Variants in ABLIM1 observed in about 807,000 individuals in gnomAD.
ABLIM1 encodes the protein actin-binding LIM protein 1.
ABLIM1 carries 40 observed loss-of-function variants against 107.0 expected under a neutral mutation model. The ratio of observed to expected loss-of-function variants is 0.37; its 90% CI spans 0.29 to 0.49. ABLIM1 has a LOEUF of 0.49. ABLIM1 is among the 20% of genes least tolerant of loss of function. The probability of loss-of-function intolerance (pLI) is 0.97; values close to 1 mark genes in which losing one functional copy is unlikely to be tolerated. For synonymous variants in ABLIM1, 357 were observed against 357.3 expected, an observed-to-expected ratio of 1.00 and a Z score of 0.01; for missense variants, 857 against 1,008.5, an observed-to-expected ratio of 0.85 and a Z score of 2.04.
chr10:114,547,132 A>T (rs73359051), intron 5 of ABLIM1, among the ~76,000 whole-genome samples: 2,357 of 140,348 alleles, frequency 0.017, 79 homozygotes, highest in African/African-American at 0.062. Context: ...ACGGTGGAAA[A>T]TTTCCCCTCA....
chr10:114,704,302 C>CTATATATATATATATATATATA (rs369952218), intron 1 of ABLIM1, among the ~76,000 whole-genome samples: 4 of 43,090 alleles, frequency 9.3e-5, no homozygotes, highest in Non-Finnish European at 1.4e-4. Context: ...CTCTCTCTCT[C>CTATATATATATATATATATATA]TATATATATA....
At chr10:114,548,237 T>C (rs1439923222) in intron 4 of ABLIM1, among the ~76,000 whole-genome samples, 1 of 152,214 alleles carries the variant, frequency 6.6e-6, no homozygotes, top group Non-Finnish European at 1.5e-5. Flanking sequence ...AATCTCATTT[T>C]TGTAAATGGG....
chr10:114,712,623 G>A (rs1224658450), intron 1 of ABLIM1, among the ~76,000 whole-genome samples: 1 of 152,042 alleles, frequency 6.6e-6, no homozygotes, highest in Non-Finnish European at 1.5e-5. Flanking sequence ...TTTCCTCTTC[G>A]TTGTCACCAT....
Position 114,487,960 on chromosome 10 carries a change from G to T in ABLIM1, c.1039C>A (p.Arg347=). 6.2e-7 allele frequency: 1 copy of T among 1,614,066 alleles called. No individual in the cohort carries two copies. The highest frequency in any genetic ancestry group is 8.5e-7 in the Non-Finnish European group (1 of 1,179,998). Residue 347 remains arginine (R), a splice_region_variant and synonymous_variant, in exon 8 of 23, where the codon CGG becomes AGG. Transcript: ENST00000533213. ...TCATGTTTTAATTGTGTCCTTACCC[G>T]CAGCTTTTCCTCGGTCTTCGTAGAT... The part of the protein sequence containing the change: ...KQSTKTEEKL[R]PTRTSSESIY...
intron 6 of ABLIM1, among the ~76,000 whole-genome samples, chr10:114,532,583 C>A (rs1421488986): frequency 3.9e-5 from 6 of 152,198 alleles, no homozygotes; most frequent in Admixed American, 1.3e-4. Context: ...CATGCCATCT[C>A]CTGGGCCCTG....
intron 2 of ABLIM1, among the ~76,000 whole-genome samples, chr10:114,576,041 T>C (rs1391206598): frequency 1.3e-5 from 2 of 152,220 alleles, no homozygotes; most frequent in Admixed American, 1.3e-4. Flanking sequence ...AAATTTCCGA[T>C]AGCTGTATTT....
chr10:114,604,660 A>G (rs930140015), intron 1 of ABLIM1, among the ~76,000 whole-genome samples: 1 of 152,228 alleles, frequency 6.6e-6, no homozygotes, highest in Non-Finnish European at 1.5e-5. Context: ...AGACAATATG[A>G]ATACGCCAGC....
intron 6 of ABLIM1, among the ~76,000 whole-genome samples, chr10:114,527,593 G>A (rs1182184778): frequency 6.6e-6 from 1 of 151,922 alleles, no homozygotes; most frequent in East Asian, 1.9e-4. Context: ...TTTCTCCAGT[G>A]ATGGCACAGC....
intron 6 of ABLIM1, among the ~76,000 whole-genome samples, chr10:114,543,413 T>C (rs1275152098): frequency 6.6e-6 from 1 of 152,238 alleles, no homozygotes; most frequent in Non-Finnish European, 1.5e-5. Flanking sequence ...CATCATACAA[T>C]ATGTGGCTTT....
intron 1 of ABLIM1, among the ~76,000 whole-genome samples, chr10:114,719,315 T>C (rs567099736): frequency 3.9e-5 from 6 of 152,348 alleles, no homozygotes; most frequent in African/African-American, 1.4e-4. Context: ...TTTACACAGA[T>C]GATCTCAGCT....
chr10:114,660,744 TTGTGAAATATAGATG>T (rs1217772061), upstream of ABLIM1, among the ~76,000 whole-genome samples: 1 of 152,210 alleles, frequency 6.6e-6, no homozygotes, highest in Admixed American at 6.5e-5. Context: ...CATGGTCTTT[TTGTGAAATATAGATG>T]TGTTTATATA....
intron 1 of ABLIM1, among the ~76,000 whole-genome samples, chr10:114,680,891 G>A (rs2080718201): frequency 6.6e-6 from 1 of 152,204 alleles, no homozygotes; most frequent in South Asian, 2.1e-4. Flanking sequence ...CTGTTGAAAA[G>A]TGCTTGTAAA....
At chr10:114,777,172 T>G in the ABLIM1 span, among the ~76,000 whole-genome samples, 1 of 152,292 alleles carries the variant, frequency 6.6e-6, no homozygotes, top group South Asian at 2.1e-4. Context: ...TGACCTGTCC[T>G]CAAATAGATT....
intron 6 of ABLIM1, among the ~76,000 whole-genome samples, chr10:114,541,838 G>A (rs2066693057): frequency 6.6e-6 from 1 of 152,050 alleles, no homozygotes; most frequent in Non-Finnish European, 1.5e-5. Context: ...GCATGTTCTT[G>A]GATCTAGCTT....
At chr10:114,645,791 C>T (rs1034867808) in intron 1 of ABLIM1, among the ~76,000 whole-genome samples, 8 of 152,174 alleles carry the variant, frequency 5.3e-5, no homozygotes, top group Non-Finnish European at 1.0e-4. Flanking sequence ...GTCAGAACTA[C>T]CAACTGCCTC....
chr10:114,647,354 A>G lies in ABLIM1; in HGVS notation c.244+10603T>C, dbSNP rs2079056325. Among the ~76,000 whole-genome samples, 4 of 145,596 alleles carry G rather than the reference A, an allele frequency of 2.7e-5. No homozygotes were observed. In the South Asian group the frequency reaches 8.3e-4, roughly 30 times the overall value. On this transcript the variant is annotated intron_variant, in intron 1 of 22. Coordinates refer to ENST00000533213, the MANE Select transcript of ABLIM1 (RefSeq NM_002313.7). ...TAATGCCACTGGCTACCAAGTGAAG[A>G]TAGAGTCTGTGCCCTTTAGGGAAAA...
intron 13 of ABLIM1, among the ~76,000 whole-genome samples, chr10:114,452,057 G>GC (rs1490836499): frequency 2.0e-5 from 3 of 152,028 alleles, no homozygotes; most frequent in Non-Finnish European, 2.9e-5. Context: ...TAGAAATTGA[G>GC]CCCCCAGTAG....
chr10:114,434,280 AACACACACAC>A lies in ABLIM1; in HGVS notation c.*1970_*1979del, dbSNP rs58418721. 0.064 allele frequency: 8,824 copies of A among 138,850 alleles called. 408 individuals are homozygous for A. The highest frequency in any genetic ancestry group is 0.13 in the African/African-American group (4,622 of 36,654). The allele number at this position is 138,850 out of a possible 1,614,324, so 8.6% of individuals were successfully genotyped here. A position where few individuals can be genotyped will look rare whatever the true frequency, so the allele number is the denominator to read the frequency against. ...ATTTGCTAAACATGTTAGTAGATCC[AACACACACAC>A]ACACACACACACACACACACACACA... is the stretch of plus-strand genomic sequence containing the variant. On this transcript the variant is annotated 3_prime_UTR_variant, in exon 23 of 23. Coordinates refer to ENST00000533213, the MANE Select transcript of ABLIM1 (RefSeq NM_002313.7).
chr10:114,468,275 T>G, intron 10 of ABLIM1, 59 bp from the exon 11 acceptor site: 1 of 1,502,604 alleles, frequency 6.7e-7, no homozygotes, highest in South Asian at 1.1e-5. Context: ...GCCGTTTTGT[T>G]TGTTTGTTTG....
Sources: allele counts gnomAD v4.1 joint callset (sites outside exome capture counted in the v4.1 genomes callset), GRCh38; gene constraint gnomAD v4.1.1; transcripts MANE v1.5; gene names NCBI Gene and HGNC (gene_info 2026-07-23, HGNC 2026-07-21).